Variants in TCTN2 observed in about 807,000 individuals in gnomAD.
TCTN2 encodes the protein tectonic family member 2, also known as tectonic-2.
Under a neutral mutation model 83.4 loss-of-function variants are expected in TCTN2, and 66 were observed. The observed-to-expected ratio is 0.79, with a 90% CI of 0.65 to 0.97. The LOEUF is 0.97. Ranked by LOEUF, TCTN2 falls within the 50% of genes least tolerant of loss-of-function variation. The pLI, the probability that TCTN2 is intolerant of heterozygous loss-of-function variation, is 0.00. For synonymous variants in TCTN2, 301 were observed against 326.7 expected (o/e 0.92, Z 0.85); for missense variants, 794 against 858.1 (o/e 0.93, Z 0.93).
Position 123,699,811 on chromosome 12 carries a change from G to A in TCTN2, c.1612+1G>A, listed in dbSNP as rs371537478. 15 of 1,612,892 alleles carry A rather than the reference G, an allele frequency of 9.3e-6. No homozygotes were observed. In the African/African-American group the frequency reaches 1.5e-4, roughly 16 times the overall value. On this transcript the variant is annotated splice_donor_variant, in intron 14 of 17. Transcript: ENST00000303372. LOFTEE classifies it high-confidence loss of function. ...AGTGATGGCTGGCTCGAAATAATAC[G>A]TAAGTCAAACCCGGGTACAATAAAG...
chr12:123,686,975 T>C lies in TCTN2; in HGVS notation c.704T>C (p.Leu235Pro). 1 of 1,614,206 alleles carries C rather than the reference T, an allele frequency of 6.2e-7. No individual in the cohort carries two copies. Among genetic ancestry groups the C allele is most frequent in the Non-Finnish European group, 8.5e-7 (1 of 1,180,044 alleles). Reference sequence around the variant, plus strand: ...GGTGTCCCCGATTGGTTTCCCTTTCTGTGTGTGCAGTCCCCCCTTGCCAAC... The same window carrying C: ...GGTGTCCCCGATTGGTTTCCCTTTCCGTGTGTGCAGTCCCCCCTTGCCAAC... ...TRGVPDWFPF[L>P]CVQSPLANTP... The change falls in exon 6 of 18, where the codon CTG becomes CCG. Residue 235 changes from leucine (L) to proline (P), a missense_variant. Physicochemically the swap from Leu to Pro is moderately conservative, Grantham distance 98 (BLOSUM62 -3). Transcript: ENST00000303372.
chr12:123,672,410 T>G (rs953919223), intron 3 of TCTN2, among the ~76,000 whole-genome samples: 3 of 152,130 alleles, frequency 2.0e-5, no homozygotes, highest in Non-Finnish European at 4.4e-5. Context: ...GGTCACCAGT[T>G]TCCTTTAGAT....
chr12:123,687,081 C>CCTGGTGGGGCCATACT, intron 6 of TCTN2, 46 bp downstream of exon 6: 2 of 1,609,000 alleles, frequency 1.2e-6, no homozygotes, highest in Non-Finnish European at 1.7e-6. Context: ...GTTCTCCCGC[C>CCTGGTGGGGCCATACT]CTGGTGGGGC....
At chr12:123,698,397 A>G (rs1402911477) in intron 13 of TCTN2, among the ~76,000 whole-genome samples, 1 of 150,408 alleles carries the variant, frequency 6.6e-6, no homozygotes, top group Non-Finnish European at 1.5e-5. Flanking sequence ...ATCCTAATAG[A>G]TACTAAGTGG....
Position 123,671,310 on chromosome 12 carries a change from T to TGGGG in TCTN2, c.73_76dup (p.Asp26GlyfsTer53). The TGGGG allele has an allele frequency of 6.2e-7, 1 of 1,613,572 alleles. No individual in the cohort carries two copies. Among genetic ancestry groups the TGGGG allele is most frequent in the Non-Finnish European group, 8.5e-7 (1 of 1,179,906 alleles). ...TCTGCAGGGCATCCTGAGGCTTCTG[T>TGGGG]GGGGGGACCTGGGTGTGTACGGCGC... On this transcript the variant is annotated frameshift_variant, in exon 1 of 18. Coordinates refer to ENST00000303372, the MANE Select transcript of TCTN2 (RefSeq NM_024809.5). LOFTEE classifies it high-confidence loss of function.
In TCTN2 at chr12:123,696,490, A is replaced by C. The variant is rs1193699938; in HGVS notation, c.1388A>C (p.Gln463Pro). 5 of 1,613,900 alleles carry C rather than the reference A, an allele frequency of 3.1e-6. No individual in the cohort carries two copies. In the African/African-American group the frequency reaches 6.7e-5, roughly 22 times the overall value. ...MNNVTTLHLWQSAGRGLCTSA... is the reference protein window; with the variant it reads ...MNNVTTLHLWPSAGRGLCTSA... ...AATGTCACGACTTTACATCTTTGGC[A>C]ATCGGGTAATCCGGTTTGGTCATTA... The change falls in exon 12 of 18, where the codon CAA becomes CCA. Residue 463 changes from glutamine to proline, a missense_variant. Coordinates refer to ENST00000303372, the MANE Select transcript of TCTN2 (RefSeq NM_024809.5).
rs1955747040 is a variant in TCTN2 at position 123,671,330 on chromosome 12, C to T, written c.82+8C>T. The T allele has an allele frequency of 1.9e-6, 3 of 1,613,038 alleles. No homozygotes were observed. The highest frequency in any genetic ancestry group is 2.7e-5 in the African/African-American group (2 of 74,890). ...TTCTGTGGGGGGACCTGGGTGTGTA[C>T]GGCGCGGCAGTGACCTCGGTGGGCC... On this transcript the variant is annotated splice_region_variant and intron_variant, in intron 1 of 17. Transcript: ENST00000303372.
At chr12:123,696,683 C>G in intron 12 of TCTN2, 188 bp downstream of exon 12, 2 of 644,310 alleles carry the variant, frequency 3.1e-6, no homozygotes, top group Non-Finnish European at 5.6e-6. Flanking sequence ...AAAAGGAATG[C>G]TAACATTGTT....
intron 5 of TCTN2, among the ~76,000 whole-genome samples, chr12:123,685,931 A>C (rs1352910959): frequency 6.8e-6 from 1 of 147,912 alleles, no homozygotes; most frequent in Non-Finnish European, 1.5e-5. Flanking sequence ...GAGTCTCTCT[A>C]TGTTGCCTAG....
intron 8 of TCTN2, among the ~76,000 whole-genome samples, chr12:123,691,422 T>C (rs1956039530): frequency 6.6e-6 from 1 of 152,208 alleles, no homozygotes; most frequent in African/African-American, 2.4e-5. Flanking sequence ...GTGTCTGGCT[T>C]CTTTCACTGA....
chr12:123,672,328 T>G (rs1955764627), intron 3 of TCTN2, among the ~76,000 whole-genome samples, 196 bp downstream of exon 3: 1 of 152,188 alleles, frequency 6.6e-6, no homozygotes, highest in African/African-American at 2.4e-5. Flanking sequence ...CTTGGATGTA[T>G]TTCAGTGGGT....
At chr12:123,696,232 A>C in intron 11 of TCTN2, 183 bp from the exon 12 acceptor site, 26 of 566,844 alleles carry the variant, frequency 4.6e-5, no homozygotes, top group Middle Eastern at 4.8e-4. Flanking sequence ...AATGTGAAGC[A>C]TTCTTTCTCT....
intron 12 of TCTN2, 78 bp from the exon 13 acceptor site, chr12:123,697,008 GT>G: frequency 8.5e-7 from 1 of 1,173,650 alleles, no homozygotes; most frequent in Non-Finnish European, 1.3e-6. Context: ...ACTGTTTTCT[GT>G]TTTTCACGGA....
Position 123,687,045 on chromosome 12 carries a change from T to C in TCTN2, c.764+10T>C. ...TCTATCATGGTGCTGTGTAAGTGTC[T>C]GAGCAGCCGCCTGGGATGGGGCATT... On this transcript the variant is annotated intron_variant, in intron 6 of 17. Transcript: ENST00000303372. The C allele has an allele frequency of 6.2e-7, 1 of 1,614,120 alleles. No homozygotes were observed. Among genetic ancestry groups the C allele is most frequent in the Non-Finnish European group, 8.5e-7 (1 of 1,179,968 alleles).
intron 5 of TCTN2, among the ~76,000 whole-genome samples, chr12:123,685,109 G>A (rs935451684): frequency 2.0e-5 from 3 of 150,844 alleles, no homozygotes; most frequent in Admixed American, 1.3e-4. Context: ...CATTAGAATT[G>A]TCAAATGGCC....
At chr12:123,689,285 G>T (rs1956013803) in intron 7 of TCTN2, among the ~76,000 whole-genome samples, 1 of 151,640 alleles carries the variant, frequency 6.6e-6, no homozygotes, top group African/African-American at 2.4e-5. Flanking sequence ...TTAACTTCTG[G>T]GCTGAAGTGA....
chr12:123,675,931 A>G (rs1000756442), intron 4 of TCTN2, among the ~76,000 whole-genome samples: 3 of 152,114 alleles, frequency 2.0e-5, no homozygotes, highest in African/African-American at 7.2e-5. Context: ...CCCCAAAACA[A>G]CAGAAGGGAT....
rs1956255497 is a variant in TCTN2 at position 123,708,171 on chromosome 12, T to C, written c.*458T>C. The C allele has an allele frequency of 5.2e-6, 1 of 193,724 alleles. No homozygotes were observed. Among genetic ancestry groups the C allele is most frequent in the South Asian group, 9.5e-5 (1 of 10,516 alleles). 12.0% of individuals were successfully genotyped at this position (193,724 alleles called of 1,614,324 possible). ...TGCTCCACCATGCCTGGCTGTATTTTTGGTAAAGACGGGGTTTCGCCTTGT... is the reference window on the plus strand; with the variant it reads ...TGCTCCACCATGCCTGGCTGTATTTCTGGTAAAGACGGGGTTTCGCCTTGT... On this transcript the variant is annotated 3_prime_UTR_variant, in exon 18 of 18. Coordinates refer to ENST00000303372, the MANE Select transcript of TCTN2 (RefSeq NM_024809.5).
In TCTN2 at chr12:123,699,801, G is replaced by A. The variant is rs758476452; in HGVS notation, c.1603G>A (p.Glu535Lys). ...DYADLSDGWL[E>K]IIRVDAPDPG... ...CGCTGATCTTAGTGATGGCTGGCTC[G>A]AAATAATACGTAAGTCAAACCCGGG... The change falls in exon 14 of 18, where the codon GAA (glutamate) becomes AAA (lysine). Residue 535 changes from glutamate (E) to lysine (K), a missense_variant. Transcript: ENST00000303372. 1.1e-5 allele frequency: 17 copies of A among 1,613,670 alleles called. No homozygotes were observed. Among genetic ancestry groups the A allele is most frequent in the South Asian group, 2.2e-5 (2 of 91,082 alleles).
Sources: gnomAD v4.1 joint callset for allele counts (sites outside exome capture counted in the v4.1 genomes callset) on GRCh38, gnomAD v4.1.1 for gene constraint, MANE v1.5 for transcripts, NCBI Gene and HGNC (gene_info 2026-07-23, HGNC 2026-07-21) for gene names.